Variants in UBXN7 observed in about 807,000 individuals in gnomAD.
The protein encoded by UBXN7 is UBX domain protein 7.
In UBXN7, 9 loss-of-function variants were observed where a neutral mutation model predicts 58.0. The observed-to-expected ratio is 0.16, with a 90% CI of 0.09 to 0.27. UBXN7 has a LOEUF of 0.27. UBXN7 is among the 10% of genes least tolerant of loss of function. The probability of loss-of-function intolerance (pLI) is 1.00; values close to 1 mark genes in which losing one functional copy is unlikely to be tolerated. For missense variants in UBXN7, 328 were observed against 599.6 expected (o/e 0.55, Z 4.73); for synonymous variants, 208 against 205.0 (o/e 1.01, Z -0.12).
At chr3:196,423,466 G>T in intron 1 of UBXN7, 1 of 263,418 alleles carries the variant, frequency 3.8e-6, no homozygotes, top group Admixed American at 4.6e-5. Flanking sequence ...TTTCTTGGCT[G>T]TGATGGGGCT....
chr3:196,371,821 C>T, intron 6 of UBXN7, 75 bp downstream of exon 6: 2 of 1,537,224 alleles, frequency 1.3e-6, no homozygotes, highest in Admixed American at 4.0e-5. Context: ...TCATTATAAC[C>T]CAATTCCTTT....
chr3:196,353,659 G>A lies in UBXN7; in HGVS notation c.*3026C>T, dbSNP rs1413329211. On this transcript the variant is annotated 3_prime_UTR_variant, in exon 11 of 11. Coordinates refer to ENST00000296328, the MANE Select transcript of UBXN7 (RefSeq NM_015562.2). ...ACGCCACCACACCCAGGTAATTTTT[G>A]TATTTTTAGTAGAGACGGGGTTTCA... The A allele has an allele frequency of 6.6e-6, 1 of 151,934 alleles. No individual in the cohort carries two copies. The highest frequency in any genetic ancestry group is 1.9e-4 in the East Asian group (1 of 5,148). 9.4% of individuals were successfully genotyped at this position (151,934 alleles called of 1,614,324 possible).
chr3:196,392,442 T>A (rs1233555904), intron 4 of UBXN7, among the ~76,000 whole-genome samples: 1 of 150,572 alleles, frequency 6.6e-6, no homozygotes, highest in African/African-American at 2.5e-5. Context: ...GAGGCAGAGG[T>A]TGCAGTGAGC....
At chr3:196,407,739 T>A (rs1730205994) in intron 1 of UBXN7, among the ~76,000 whole-genome samples, 1 of 152,114 alleles carries the variant, frequency 6.6e-6, no homozygotes, top group African/African-American at 2.4e-5. Context: ...AAAGACTACA[T>A]TCTAGAAAGT....
At chr3:196,406,138 T>G (rs572839315) in intron 2 of UBXN7, among the ~76,000 whole-genome samples, 1 of 152,118 alleles carries the variant, frequency 6.6e-6, no homozygotes, top group African/African-American at 2.4e-5. Context: ...GCTCATGTGA[T>G]CCTCCCATCT....
chr3:196,365,312 C>T (rs1439738000), intron 8 of UBXN7, among the ~76,000 whole-genome samples: 1 of 141,894 alleles, frequency 7.0e-6, no homozygotes, highest in Non-Finnish European at 1.5e-5. Flanking sequence ...TCAAAGAAAA[C>T]ACAAATTAAT....
intron 1 of UBXN7, among the ~76,000 whole-genome samples, chr3:196,409,638 A>G (rs1730262495): frequency 6.6e-6 from 1 of 152,218 alleles, no homozygotes; most frequent in Admixed American, 6.5e-5. Flanking sequence ...CACATGAGAA[A>G]TGTGACTGTA....
At chr3:196,401,274 AATATATATAT>A (rs780788392) in intron 3 of UBXN7, among the ~76,000 whole-genome samples, 22 of 36,870 alleles carry the variant, frequency 6.0e-4, no homozygotes, top group East Asian at 3.5e-3. Flanking sequence ...AAAAAAAAAA[AATATATATAT>A]ATATATATAT....
intron 3 of UBXN7, 110 bp from the exon 4 acceptor site, chr3:196,393,729 C>T (rs572624078): frequency 1.3e-5 from 13 of 1,035,364 alleles, no homozygotes; most frequent in South Asian, 7.8e-5. Flanking sequence ...AAACCCTTCA[C>T]GAACTGCATG....
rs199967025 is a variant in UBXN7, at chr3:196,381,990, TG to T, written c.468+9822del. The stretch of plus-strand genomic sequence containing the variant: ...AGCCTCCAAGAAATATGAGACTATG[TG>T]AAAAGACCAAATCTACGTTTGATTG... On this transcript the variant is annotated intron_variant, in intron 5 of 10. Coordinates refer to ENST00000296328, the MANE Select transcript of UBXN7 (RefSeq NM_015562.2). Among the ~76,000 whole-genome samples, 1,214 of 152,062 alleles carry T rather than the reference TG, an allele frequency of 8.0e-3. 13 individuals carry two copies. The highest frequency in any genetic ancestry group is 0.028 in the African/African-American group (1,160 of 41,456).
At chr3:196,386,813 ACC>A (rs747265310) in intron 5 of UBXN7, among the ~76,000 whole-genome samples, 5 of 152,154 alleles carry the variant, frequency 3.3e-5, no homozygotes, top group Non-Finnish European at 7.4e-5. Flanking sequence ...TTCAATGCCA[ACC>A]CCATGAAGTT....
intron 1 of UBXN7, among the ~76,000 whole-genome samples, chr3:196,429,025 A>AG (rs1347735285): frequency 2.0e-5 from 3 of 150,888 alleles, no homozygotes; most frequent in African/African-American, 7.3e-5. Flanking sequence ...AAAAAAAAAA[A>AG]AAATCAAAAA....
At chr3:196,367,204 C>T (rs201125209) in intron 8 of UBXN7, among the ~76,000 whole-genome samples, 1 of 146,038 alleles carries the variant, frequency 6.8e-6, no homozygotes, top group Non-Finnish European at 1.5e-5. Context: ...AAAAAAAAAA[C>T]CAACAAAACA....
rs887253832 is a variant in UBXN7 at position 196,350,625 on chromosome 3, T to C, written c.*6060A>G. ...TTCACAGGACAACTAGCAAGGCCATTATAATCTCTATTTTTAAAAAGACAT... is the reference window on the plus strand; with the variant it reads ...TTCACAGGACAACTAGCAAGGCCATCATAATCTCTATTTTTAAAAAGACAT... On this transcript the variant is annotated 3_prime_UTR_variant, in exon 11 of 11. Coordinates refer to ENST00000296328, the MANE Select transcript of UBXN7 (RefSeq NM_015562.2). 7.9e-5 allele frequency: 5 copies of C among 63,518 alleles called. No individual in the cohort carries two copies. Among genetic ancestry groups the C allele is most frequent in the Non-Finnish European group, 1.7e-4 (5 of 28,676 alleles). The allele number at this position is 63,518 out of a possible 1,614,324, so 3.9% of individuals were successfully genotyped here.
chr3:196,391,121 A>G (rs934706991), intron 5 of UBXN7, among the ~76,000 whole-genome samples: 3 of 152,206 alleles, frequency 2.0e-5, no homozygotes, highest in Admixed American at 2.0e-4. Flanking sequence ...GCACAGAAAT[A>G]TAGACAAAAG....
At chr3:196,407,645 AT>A (rs1344552789) in intron 1 of UBXN7, among the ~76,000 whole-genome samples, 2 of 152,244 alleles carry the variant, frequency 1.3e-5, no homozygotes, top group South Asian at 2.1e-4. Flanking sequence ...TAAATAAAGC[AT>A]TTTTTGGCCA....
At chr3:196,370,859 A>T (rs1050056134) in intron 6 of UBXN7, among the ~76,000 whole-genome samples, 1 of 36,662 alleles carries the variant, frequency 2.7e-5, no homozygotes. Context: ...CATCTCTACA[A>T]AAAAAAAAAA....
At chr3:196,393,780 C>T in intron 3 of UBXN7, 161 bp from the exon 4 acceptor site, 1 of 552,536 alleles carries the variant, frequency 1.8e-6, no homozygotes, top group South Asian at 3.1e-5. Context: ...TGTCTCGTTC[C>T]AATTTTAGTA....
chr3:196,399,053 C>G (rs765414083), intron 3 of UBXN7, among the ~76,000 whole-genome samples: 1 of 152,184 alleles, frequency 6.6e-6, no homozygotes, highest in African/African-American at 2.4e-5. Context: ...AACTGATAGT[C>G]TGTCAGCGAT....
Sources: allele counts gnomAD v4.1 joint callset (sites outside exome capture counted in the v4.1 genomes callset), GRCh38; gene constraint gnomAD v4.1.1; transcripts MANE v1.5; gene names NCBI Gene and HGNC (gene_info 2026-07-23, HGNC 2026-07-21).